Variants in MPPED2 observed in about 807,000 individuals in gnomAD.
The protein encoded by MPPED2 is metallophosphoesterase domain containing 2, also known as metallophosphoesterase MPPED2.
Under a neutral mutation model 33.0 loss-of-function variants are expected in MPPED2, and 5 were observed. That is an observed-to-expected ratio of 0.15 (90% confidence interval 0.08 to 0.32). The LOEUF is 0.32. Among genes scored for constraint, MPPED2 ranks in the 10% least tolerant of loss-of-function variants. The pLI, the probability that MPPED2 is intolerant of heterozygous loss-of-function variation, is 1.00. For synonymous variants in MPPED2, 136 were observed against 141.9 expected (o/e 0.96, Z 0.29); for missense variants, 275 against 372.1 (o/e 0.74, Z 2.15).
intron 4 of MPPED2, among the ~76,000 whole-genome samples, chr11:30,489,684 T>A (rs911701666): frequency 6.6e-6 from 1 of 152,172 alleles, no homozygotes; most frequent in Non-Finnish European, 1.5e-5. Flanking sequence ...CGTGAAAAAA[T>A]GTGTTCTTTG....
At chr11:30,468,090 T>G (rs951797512) in intron 4 of MPPED2, among the ~76,000 whole-genome samples, 3 of 152,206 alleles carry the variant, frequency 2.0e-5, no homozygotes, top group Admixed American at 1.3e-4. Context: ...AGAGTCATGA[T>G]TCATTAGCTA....
At chr11:30,573,676 T>G (rs1229527003) in intron 2 of MPPED2, among the ~76,000 whole-genome samples, 1 of 152,146 alleles carries the variant, frequency 6.6e-6, no homozygotes, top group Admixed American at 6.6e-5. Context: ...CACACACATT[T>G]TTTATTTCAA....
chr11:30,583,134 C>CTTTTTCTTTTT (rs1957251845), intron 1 of MPPED2, among the ~76,000 whole-genome samples: 1 of 96,710 alleles, frequency 1.0e-5, no homozygotes, highest in African/African-American at 4.8e-5. Flanking sequence ...AAGACTTTTT[C>CTTTTTCTTTTT]TTTTTTTTTT....
intron 4 of MPPED2, among the ~76,000 whole-genome samples, chr11:30,429,541 C>G (rs1948988196): frequency 6.6e-6 from 1 of 152,216 alleles, no homozygotes; most frequent in African/African-American, 2.4e-5. Flanking sequence ...AGCAAGCACA[C>G]AGACCCGGTG....
intron 4 of MPPED2, among the ~76,000 whole-genome samples, chr11:30,432,769 C>A (rs985001074): frequency 6.6e-6 from 1 of 152,168 alleles, no homozygotes. Flanking sequence ...CACAAATCAA[C>A]AGCATTACTT....
chr11:30,435,584 G>A (rs1590253029), intron 4 of MPPED2, among the ~76,000 whole-genome samples: 1 of 152,298 alleles, frequency 6.6e-6, no homozygotes, highest in Middle Eastern at 3.4e-3. Context: ...ATCTCACAAA[G>A]TTGAAGAGCA....
chr11:30,508,167 G>A (rs963320783), intron 3 of MPPED2, among the ~76,000 whole-genome samples: 1 of 152,082 alleles, frequency 6.6e-6, no homozygotes, highest in Non-Finnish European at 1.5e-5. Context: ...CAGGTAATCG[G>A]AACACAGTTG....
chr11:30,425,314 C>T (rs1948785514), intron 4 of MPPED2, among the ~76,000 whole-genome samples: 1 of 152,236 alleles, frequency 6.6e-6, no homozygotes, highest in South Asian at 2.1e-4. Context: ...ATTTTCTTTT[C>T]CTCTGCTGGA....
intron 3 of MPPED2, among the ~76,000 whole-genome samples, chr11:30,516,787 G>A (rs1252865384): frequency 6.6e-6 from 1 of 152,098 alleles, no homozygotes; most frequent in Non-Finnish European, 1.5e-5. Context: ...CTCAATGGTT[G>A]CTTGCCCAGA....
intron 3 of MPPED2, chr11:30,501,546 C>T (rs986216047): frequency 1.3e-6 from 1 of 744,404 alleles, no homozygotes; most frequent in Non-Finnish European, 1.6e-6. Context: ...CTCTGTCTTC[C>T]AGTATTTATC....
intron 2 of MPPED2, among the ~76,000 whole-genome samples, chr11:30,559,240 A>G (rs1429951085): frequency 6.6e-6 from 1 of 152,202 alleles, no homozygotes; most frequent in African/African-American, 2.4e-5. Flanking sequence ...AATCTATAGG[A>G]ACCCAACGGG....
chr11:30,509,115 C>T (rs1396083808), intron 3 of MPPED2, among the ~76,000 whole-genome samples: 1 of 152,124 alleles, frequency 6.6e-6, no homozygotes, highest in African/African-American at 2.4e-5. Flanking sequence ...TTATATACAT[C>T]ACAAAGTATA....
chr11:30,457,155 G>C (rs951865925), intron 4 of MPPED2, among the ~76,000 whole-genome samples: 2 of 152,084 alleles, frequency 1.3e-5, no homozygotes, highest in African/African-American at 4.8e-5. Context: ...ACAGCAACAT[G>C]CTTTGAGAAT....
At chr11:30,557,260 G>A (rs1956015192) in intron 2 of MPPED2, among the ~76,000 whole-genome samples, 1 of 138,698 alleles carries the variant, frequency 7.2e-6, no homozygotes, top group Non-Finnish European at 1.5e-5. Flanking sequence ...AGCTGTATTT[G>A]CTATTTCATT....
chr11:30,563,903 G>A (rs116684313), intron 2 of MPPED2, among the ~76,000 whole-genome samples: 94 of 152,264 alleles, frequency 6.2e-4, no homozygotes, highest in African/African-American at 2.2e-3. Context: ...TCAAAATGGA[G>A]GTAACTTGTG....
At position 30,418,886 on chromosome 11, in the gene MPPED2, G is replaced by A. The variant is rs545984493; in HGVS notation, c.537-1253C>T. On this transcript the variant is annotated intron_variant, in intron 4 of 6. Transcript: ENST00000358117. ...GGACATGTATAGTCAAGACCAGAGC[G>A]AGAAGAATGGTCATTGAAAGCCATG... is the stretch of plus-strand genomic sequence containing the variant. Among the ~76,000 whole-genome samples, 10 of 152,312 alleles carry A rather than the reference G, an allele frequency of 6.6e-5. No individual in the cohort carries two copies. In the South Asian group the frequency reaches 1.0e-3, roughly 16 times the overall value.
intron 6 of MPPED2, among the ~76,000 whole-genome samples, chr11:30,395,644 C>T (rs112647039): frequency 5.7e-4 from 87 of 152,162 alleles, no homozygotes; most frequent in Non-Finnish European, 1.1e-3. Context: ...GAACAGACGG[C>T]TTAGTTTGGC....
intron 2 of MPPED2, among the ~76,000 whole-genome samples, chr11:30,566,218 G>A (rs371179582): frequency 2.0e-5 from 3 of 152,236 alleles, no homozygotes; most frequent in East Asian, 3.9e-4. Context: ...GCTTCTGACC[G>A]ATAATTGTTG....
At chr11:30,527,173 G>A (rs1438610755) in intron 3 of MPPED2, among the ~76,000 whole-genome samples, 2 of 151,826 alleles carry the variant, frequency 1.3e-5, no homozygotes, top group Non-Finnish European at 2.9e-5. Flanking sequence ...CTCGTGATCC[G>A]CCCGTCTCGG....
Sources: gnomAD v4.1 joint callset for allele counts (sites outside exome capture counted in the v4.1 genomes callset) on GRCh38, gnomAD v4.1.1 for gene constraint, MANE v1.5 for transcripts, NCBI Gene and HGNC (gene_info 2026-07-23, HGNC 2026-07-21) for gene names.